GRID2: variants seen among roughly 807,000 people sequenced by gnomAD.
GRID2 encodes glutamate receptor ionotropic, delta-2.
Under a neutral mutation model 114.8 loss-of-function variants are expected in GRID2, and 33 were observed. The observed-to-expected ratio is 0.29, with a 90% CI of 0.22 to 0.38. GRID2 has a LOEUF of 0.38. Among genes scored for constraint, GRID2 ranks in the 10% least tolerant of loss-of-function variants. GRID2 has a pLI of 1.00. For synonymous variants in GRID2, 505 were observed against 449.9 expected (o/e 1.12, Z -1.55); for missense variants, 1,184 against 1,257.7 (o/e 0.94, Z 0.89).
intron 4 of GRID2, among the ~76,000 whole-genome samples, chr4:93,197,552 A>G (rs1316270913): frequency 6.6e-6 from 1 of 152,202 alleles, no homozygotes; most frequent in Non-Finnish European, 1.5e-5. Flanking sequence ...GCATTCAATA[A>G]GCATTTACTG....
chr4:92,802,637 G>A (rs1423399321), intron 2 of GRID2, among the ~76,000 whole-genome samples: 1 of 151,854 alleles, frequency 6.6e-6, no homozygotes, highest in African/African-American at 2.4e-5. Context: ...GCTAAAGTTT[G>A]CTTTTCATAC....
At chr4:92,841,361 A>G (rs555701647) in intron 2 of GRID2, among the ~76,000 whole-genome samples, 17 of 152,194 alleles carry the variant, frequency 1.1e-4, no homozygotes, top group Non-Finnish European at 1.9e-4. Flanking sequence ...TATGACCTGT[A>G]TCATCTTTCC....
chr4:92,768,223 T>G (rs1395761024), intron 2 of GRID2, among the ~76,000 whole-genome samples: 1 of 152,226 alleles, frequency 6.6e-6, no homozygotes, highest in Non-Finnish European at 1.5e-5. Flanking sequence ...TTTCTATTGT[T>G]ATATGTGTGT....
In GRID2 at chr4:92,787,825, T is replaced by C. The variant is rs188429726; in HGVS notation, c.244+197539T>C. 3.9e-5 allele frequency among the ~76,000 whole-genome samples: 6 copies of C among 151,966 alleles called. No homozygotes were observed. The East Asian group carries it at 9.8e-4, about 25-fold the overall frequency. On this transcript the variant is annotated intron_variant, in intron 2 of 15. Coordinates refer to ENST00000282020, the MANE Select transcript of GRID2 (RefSeq NM_001510.4). ...GAGATGGTGCTGCCTCCTACGGTGA[T>C]AGAAGACCGATGACATGTGGTTGGA...
At chr4:93,497,730 G>C (rs1560683575) in intron 12 of GRID2, among the ~76,000 whole-genome samples, 1 of 151,636 alleles carries the variant, frequency 6.6e-6, no homozygotes, top group African/African-American at 2.4e-5. Context: ...CTATCCCTCT[G>C]CCGGTAACAC....
chr4:92,973,429 C>G (rs1753652318), intron 2 of GRID2, among the ~76,000 whole-genome samples: 1 of 152,096 alleles, frequency 6.6e-6, no homozygotes, highest in African/African-American at 2.4e-5. Context: ...ATAGTATGCT[C>G]TTTGTTTTAC....
At chr4:93,644,970 G>T (rs1721978090) in intron 14 of GRID2, among the ~76,000 whole-genome samples, 1 of 152,128 alleles carries the variant, frequency 6.6e-6, no homozygotes, top group Admixed American at 6.6e-5. Context: ...CTCCAAGAAG[G>T]CAGAGATTTG....
At chr4:93,377,453 G>A (rs966308269) in intron 8 of GRID2, among the ~76,000 whole-genome samples, 1 of 152,060 alleles carries the variant, frequency 6.6e-6, no homozygotes, top group Non-Finnish European at 1.5e-5. Flanking sequence ...GCAGGCTCTG[G>A]TTGAAGGACA....
Position 93,670,636 on chromosome 4 carries a change from A to G in GRID2, c.2360+44201A>G, listed in dbSNP as rs569312624. ...GTTTAGAGGGGTCCTACGGTGCATC[A>G]GTGTCTGCCCCTAGAGGTAAGGGGA... On this transcript the variant is annotated intron_variant, in intron 14 of 15. Transcript: ENST00000282020. 2.6e-5 allele frequency among the ~76,000 whole-genome samples: 4 copies of G among 152,334 alleles called. No homozygotes were observed. In the South Asian group the frequency reaches 8.3e-4, roughly 32 times the overall value.
chr4:92,981,886 A>G (rs1469129753), intron 2 of GRID2, among the ~76,000 whole-genome samples: 2 of 151,900 alleles, frequency 1.3e-5, no homozygotes, highest in Non-Finnish European at 1.5e-5. Context: ...CAGATCAACA[A>G]CTGTAAATGA....
intron 12 of GRID2, among the ~76,000 whole-genome samples, chr4:93,510,452 G>A (rs964528577): frequency 6.6e-6 from 1 of 152,206 alleles, no homozygotes; most frequent in South Asian, 2.1e-4. Flanking sequence ...GAGGGGTTAC[G>A]CATTAGATTT....
At chr4:93,805,059 G>C (rs1480984544) in intron 1 of GRID2, among the ~76,000 whole-genome samples, 4 of 152,168 alleles carry the variant, frequency 2.6e-5, no homozygotes, top group African/African-American at 2.4e-5. Flanking sequence ...CACAATTACA[G>C]TAATAGATAA....
At chr4:93,226,376 A>G (rs1443736513) in intron 7 of GRID2, among the ~76,000 whole-genome samples, 2 of 152,212 alleles carry the variant, frequency 1.3e-5, no homozygotes, top group Non-Finnish European at 2.9e-5. Context: ...TAGGATAGAC[A>G]TTTCTATTCC....
chr4:92,976,364 T>A (rs1753870160), intron 2 of GRID2, among the ~76,000 whole-genome samples: 1 of 152,086 alleles, frequency 6.6e-6, no homozygotes, highest in African/African-American at 2.4e-5. Context: ...ATGTCTGTTG[T>A]ACCTATCAAT....
chr4:93,582,959 G>A (rs1284633496), intron 13 of GRID2, among the ~76,000 whole-genome samples: 1 of 152,070 alleles, frequency 6.6e-6, no homozygotes, highest in Non-Finnish European at 1.5e-5. Context: ...TCAAGGTGTT[G>A]GCAGGGCCAC....
intron 2 of GRID2, among the ~76,000 whole-genome samples, chr4:92,901,663 T>C (rs1292511280): frequency 6.6e-6 from 1 of 152,190 alleles, no homozygotes. Flanking sequence ...TGAATCACAT[T>C]TATTGATTTG....
At chr4:93,426,216 C>A (rs1001620983) in intron 10 of GRID2, among the ~76,000 whole-genome samples, 1 of 152,098 alleles carries the variant, frequency 6.6e-6, no homozygotes, top group African/African-American at 2.4e-5. Context: ...TATTGGAAAG[C>A]ATTAATATCG....
At position 93,676,745 on chromosome 4, in the gene GRID2, A is replaced by T. The variant is rs1439940627; in HGVS notation, c.2360+50310A>T. ...TAATAATAATGAAATTAAAAAAAAA[A>T]GATATTACAAAAAAAAAAAAAAGAA... On this transcript the variant is annotated intron_variant, in intron 14 of 15. Transcript: ENST00000282020. Among the ~76,000 whole-genome samples, 4 of 150,682 alleles carry T rather than the reference A, an allele frequency of 2.7e-5. No individual in the cohort carries two copies. In the East Asian group the frequency reaches 7.7e-4, roughly 29 times the overall value.
intron 1 of GRID2, among the ~76,000 whole-genome samples, chr4:92,488,703 G>C (rs562747887): frequency 2.7e-4 from 41 of 152,208 alleles, no homozygotes; most frequent in Non-Finnish European, 5.1e-4. Flanking sequence ...GTAAAAGAAC[G>C]TACCTCTTGT....
Sources: gnomAD v4.1 joint callset for allele counts (sites outside exome capture counted in the v4.1 genomes callset) on GRCh38, gnomAD v4.1.1 for gene constraint, MANE v1.5 for transcripts, NCBI Gene and HGNC (gene_info 2026-07-23, HGNC 2026-07-21) for gene names.